The following DDX10 variants were observed in gnomAD, a reference collection of about 807,000 sequenced individuals.
DDX10 encodes the protein DEAD-box helicase 10.
A neutral mutation model predicts 104.3 loss-of-function variants in DDX10; 74 were observed. That is an observed-to-expected ratio of 0.71 (90% CI 0.59 to 0.86). The LOEUF (loss-of-function observed/expected upper bound fraction) is 0.86, where lower values mean the gene tolerates loss of function less well. DDX10 is among the 40% of genes least tolerant of loss of function. The probability of loss-of-function intolerance (pLI) is 0.00; values close to 1 mark genes in which losing one functional copy is unlikely to be tolerated. For synonymous variants in DDX10, 351 were observed against 353.4 expected (o/e 0.99, Z 0.08); for missense variants, 952 against 1,040.0 (o/e 0.92, Z 1.16).
intron 17 of DDX10, 39 bp downstream of exon 17, chr11:108,918,057 C>T (rs2134664357): frequency 1.3e-6 from 2 of 1,571,096 alleles, no homozygotes; most frequent in African/African-American, 1.4e-5. Context: ...ATACTTAGTA[C>T]TCTCACATCA....
chr11:108,696,084 A>G (rs1159937991), intron 9 of DDX10, among the ~76,000 whole-genome samples: 1 of 152,242 alleles, frequency 6.6e-6, no homozygotes, highest in Non-Finnish European at 1.5e-5. Context: ...AAAATGGGAC[A>G]TGGGTAGAAT....
chr11:108,674,424 A>C (rs780436628), intron 2 of DDX10, among the ~76,000 whole-genome samples: 1 of 152,112 alleles, frequency 6.6e-6, no homozygotes, highest in Non-Finnish European at 1.5e-5. Flanking sequence ...TGTGTTTAGA[A>C]CTCTTAAAAT....
At chr11:108,789,727 A>G (rs1861844726) in intron 13 of DDX10, among the ~76,000 whole-genome samples, 1 of 152,200 alleles carries the variant, frequency 6.6e-6, no homozygotes, top group Non-Finnish European at 1.5e-5. Flanking sequence ...GGTAACAGAA[A>G]ACACGACCAT....
intron 13 of DDX10, among the ~76,000 whole-genome samples, chr11:108,774,621 T>C (rs1249793886): frequency 6.6e-6 from 1 of 152,190 alleles, no homozygotes; most frequent in Non-Finnish European, 1.5e-5. Context: ...GGCATTTCTT[T>C]TATCCCCTCC....
chr11:108,746,750 CTAGA>C (rs1489924576), intron 13 of DDX10, among the ~76,000 whole-genome samples: 7 of 152,214 alleles, frequency 4.6e-5, no homozygotes, highest in African/African-American at 1.7e-4. Flanking sequence ...AGCCATCTCA[CTAGA>C]TAGGAAATAG....
At chr11:108,895,083 T>C (rs1258881473) in intron 16 of DDX10, among the ~76,000 whole-genome samples, 1 of 152,034 alleles carries the variant, frequency 6.6e-6, no homozygotes, top group Non-Finnish European at 1.5e-5. Context: ...GTTTGAAATA[T>C]CTGCTGTGAT....
rs533506105 is a variant in DDX10 at position 108,797,346 on chromosome 11, T to G, written c.1966-41100T>G. On this transcript the variant is annotated intron_variant, in intron 13 of 17. Coordinates refer to ENST00000322536, the MANE Select transcript of DDX10 (RefSeq NM_004398.4). The stretch of plus-strand genomic sequence containing the variant: ...CGCGCCCAGCCTAAACTTTTGTTCT[T>G]TATACATTAGTCTGTGGTATTCAAT... Among the ~76,000 whole-genome samples the G allele has an allele frequency of 1.5e-3, 235 of 152,286 alleles. 1 individual carries two copies. Among genetic ancestry groups the G allele is most frequent in the African/African-American group, 5.6e-3 (231 of 41,572 alleles).
chr11:108,775,765 G>T (rs2094369052), intron 13 of DDX10, among the ~76,000 whole-genome samples: 1 of 151,894 alleles, frequency 6.6e-6, no homozygotes, highest in Non-Finnish European at 1.5e-5. Flanking sequence ...ACATTTTGAG[G>T]CATACTTTAC....
intron 13 of DDX10, among the ~76,000 whole-genome samples, chr11:108,811,376 G>C (rs2134568104): frequency 6.6e-6 from 1 of 152,232 alleles, no homozygotes; most frequent in East Asian, 1.9e-4. Flanking sequence ...ACTTGAACTA[G>C]ACTTCTAAAA....
At chr11:108,713,633 A>G (rs950805271) in intron 10 of DDX10, among the ~76,000 whole-genome samples, 13 of 152,198 alleles carry the variant, frequency 8.5e-5, no homozygotes, top group Admixed American at 6.5e-4. Context: ...AATGCTTCCA[A>G]CATCCCTGCC....
chr11:108,686,546 A>G (rs1185772727), intron 6 of DDX10, among the ~76,000 whole-genome samples: 1 of 152,146 alleles, frequency 6.6e-6, no homozygotes, highest in Non-Finnish European at 1.5e-5. Flanking sequence ...AGATTGCTCC[A>G]TGTCTTTTCA....
intron 17 of DDX10, chr11:108,919,886 C>T (rs1286446204): frequency 6.6e-6 from 1 of 152,040 alleles, no homozygotes; most frequent in African/African-American, 2.4e-5. Flanking sequence ...AGAACTTGTT[C>T]TCTAGTAGCT....
chr11:108,681,785 A>G (rs532469420), intron 6 of DDX10, among the ~76,000 whole-genome samples: 32 of 152,322 alleles, frequency 2.1e-4, no homozygotes, highest in African/African-American at 5.8e-4. Context: ...GTTGAATTCT[A>G]TGGTGGATTA....
chr11:108,771,502 G>A (rs1240570531), intron 13 of DDX10, among the ~76,000 whole-genome samples: 1 of 151,974 alleles, frequency 6.6e-6, no homozygotes, highest in African/African-American at 2.4e-5. Context: ...CTGCCACCAC[G>A]TCCAGCTAAT....
chr11:108,914,138 A>G (rs1863715058), intron 16 of DDX10, among the ~76,000 whole-genome samples: 1 of 152,226 alleles, frequency 6.6e-6, no homozygotes, highest in Non-Finnish European at 1.5e-5. Context: ...TTCTTTATAT[A>G]CCAATGTAAA....
intron 13 of DDX10, among the ~76,000 whole-genome samples, chr11:108,807,959 T>C (rs1380487093): frequency 1.3e-5 from 2 of 152,138 alleles, no homozygotes; most frequent in Non-Finnish European, 2.9e-5. Context: ...GAAAACCCCA[T>C]GGATGAAGCA....
chr11:108,832,419 A>T (rs1862485407), intron 13 of DDX10, among the ~76,000 whole-genome samples: 1 of 152,216 alleles, frequency 6.6e-6, no homozygotes, highest in African/African-American at 2.4e-5. Context: ...AAATATAAAT[A>T]ATGAGATGTG....
At chr11:108,889,468 G>A (rs1328802412) in intron 16 of DDX10, among the ~76,000 whole-genome samples, 1 of 151,756 alleles carries the variant, frequency 6.6e-6, no homozygotes, top group Non-Finnish European at 1.5e-5. Context: ...TAATTGAAAA[G>A]GTACAAAATA....
At chr11:108,905,320 G>GGC (rs1240723499) in intron 16 of DDX10, among the ~76,000 whole-genome samples, 2,459 of 147,644 alleles carry the variant, frequency 0.017, 151 homozygotes, top group African/African-American at 0.058. Flanking sequence ...TAAGGGGGGG[G>GGC]GGGGTTGAAA....
Sources: allele counts gnomAD v4.1 joint callset (sites outside exome capture counted in the v4.1 genomes callset), GRCh38; gene constraint gnomAD v4.1.1; transcripts MANE v1.5; gene names NCBI Gene and HGNC (gene_info 2026-07-23, HGNC 2026-07-21).